CACNA2D3: variants seen among roughly 807,000 people sequenced by gnomAD.
CACNA2D3 encodes the protein calcium voltage-gated channel auxiliary subunit alpha2delta 3.
Under a neutral mutation model 160.6 loss-of-function variants are expected in CACNA2D3, and 60 were observed. The observed-to-expected ratio is 0.37, with a 90% CI of 0.30 to 0.46. CACNA2D3 has a LOEUF of 0.46. Ranked by LOEUF, CACNA2D3 falls within the 20% of genes least tolerant of loss-of-function variation. The pLI is 1.00. For missense variants in CACNA2D3, 1,205 were observed against 1,365.0 expected (o/e 0.88, Z 1.85); for synonymous variants, 558 against 492.9 (o/e 1.13, Z -1.75).
chr3:54,433,125 A>G (rs1190233943), intron 4 of CACNA2D3, among the ~76,000 whole-genome samples: 1 of 152,208 alleles, frequency 6.6e-6, no homozygotes. Context: ...TGAGCTCAAC[A>G]TTCCAACGCT....
intron 2 of CACNA2D3, among the ~76,000 whole-genome samples, chr3:54,216,739 C>G (rs62252193): frequency 0.034 from 5,237 of 152,210 alleles, 112 homozygotes; most frequent in Middle Eastern, 0.088. Context: ...TTGTTTTTGT[C>G]AAAAATAAGC....
chr3:54,739,751 ATGTGTGTGTG>A (rs5849058), intron 11 of CACNA2D3, among the ~76,000 whole-genome samples: 48,504 of 145,692 alleles, frequency 0.33, 8,068 homozygotes, highest in East Asian at 0.44. Flanking sequence ...CTCCTCATAT[ATGTGTGTGTG>A]TGTGTGTGTG....
intron 11 of CACNA2D3, among the ~76,000 whole-genome samples, chr3:54,656,480 A>G (rs1171665011): frequency 6.6e-6 from 1 of 152,184 alleles, no homozygotes; most frequent in African/African-American, 2.4e-5. Context: ...GCTGAGCCCC[A>G]TCCTGCCTGT....
chr3:54,696,084 C>T (rs969323501), intron 11 of CACNA2D3, among the ~76,000 whole-genome samples: 8 of 152,066 alleles, frequency 5.3e-5, no homozygotes, highest in Non-Finnish European at 1.0e-4. Flanking sequence ...TGGCCAGGGT[C>T]GGGGAGTGGG....
intron 11 of CACNA2D3, among the ~76,000 whole-genome samples, chr3:54,711,131 AC>A (rs1365537498): frequency 2.0e-5 from 3 of 152,180 alleles, no homozygotes; most frequent in African/African-American, 7.2e-5. Context: ...CCATAAAATA[AC>A]GTGATTTTTC....
At chr3:54,563,066 G>C in intron 6 of CACNA2D3, 135 bp downstream of exon 6, 1 of 813,320 alleles carries the variant, frequency 1.2e-6, no homozygotes, top group Non-Finnish European at 1.8e-6. Flanking sequence ...CAAACCTATT[G>C]TCAGGGTGCA....
chr3:54,703,720 C>G (rs1700807829), intron 11 of CACNA2D3, among the ~76,000 whole-genome samples: 1 of 152,178 alleles, frequency 6.6e-6, no homozygotes, highest in South Asian at 2.1e-4. Context: ...TTCATACCTT[C>G]ACACTGATGT....
intron 11 of CACNA2D3, among the ~76,000 whole-genome samples, chr3:54,664,562 T>A (rs986274609): frequency 2.6e-5 from 4 of 152,224 alleles, no homozygotes; most frequent in Admixed American, 2.6e-4. Flanking sequence ...TTTTATTTTA[T>A]AAGTTAACTG....
intron 4 of CACNA2D3, among the ~76,000 whole-genome samples, chr3:54,486,899 C>A (rs1195739620): frequency 6.6e-6 from 1 of 152,080 alleles, no homozygotes; most frequent in Admixed American, 6.5e-5. Flanking sequence ...GCCAAAGCAA[C>A]CTTATTCACA....
chr3:54,394,116 C>G (rs2106681401), intron 4 of CACNA2D3, among the ~76,000 whole-genome samples: 1 of 152,206 alleles, frequency 6.6e-6, no homozygotes, highest in Admixed American at 6.5e-5. Context: ...CAAATTGCAG[C>G]TTTACCTTGC....
chr3:54,155,579 C>T (rs954605413), intron 2 of CACNA2D3, among the ~76,000 whole-genome samples: 15 of 152,232 alleles, frequency 9.9e-5, no homozygotes, highest in Admixed American at 5.9e-4. Flanking sequence ...AATACAACAT[C>T]GAGATTTTGT....
chr3:54,656,681 C>T (rs1274721487), intron 11 of CACNA2D3, among the ~76,000 whole-genome samples: 2 of 152,210 alleles, frequency 1.3e-5, no homozygotes, highest in East Asian at 3.9e-4. Context: ...TCCCTGACAC[C>T]CTGCTACCTG....
intron 15 of CACNA2D3, among the ~76,000 whole-genome samples, chr3:54,838,096 A>G (rs1172180668): frequency 6.6e-6 from 1 of 152,180 alleles, no homozygotes. Flanking sequence ...CTCAGTTGGT[A>G]AAAGTGTTAG....
intron 2 of CACNA2D3, among the ~76,000 whole-genome samples, chr3:54,215,884 C>CTTTTCT (rs1553757124): frequency 6.7e-6 from 1 of 149,144 alleles, no homozygotes; most frequent in Non-Finnish European, 1.5e-5. Context: ...CTTTTCTTTT[C>CTTTTCT]TTTTTTTTTT....
chr3:54,686,322 T>G (rs1700448253), intron 11 of CACNA2D3, among the ~76,000 whole-genome samples: 1 of 152,250 alleles, frequency 6.6e-6, no homozygotes, highest in African/African-American at 2.4e-5. Context: ...TGCTGACCCC[T>G]GAACTAACAA....
At chr3:54,525,046 G>A (rs1206235915) in intron 5 of CACNA2D3, among the ~76,000 whole-genome samples, 1 of 151,990 alleles carries the variant, frequency 6.6e-6, no homozygotes, top group East Asian at 1.9e-4. Flanking sequence ...GTGTGGTATA[G>A]TATATAGTAT....
At chr3:54,778,046 C>A (rs1424195686) in intron 13 of CACNA2D3, among the ~76,000 whole-genome samples, 2 of 152,202 alleles carry the variant, frequency 1.3e-5, no homozygotes, top group Non-Finnish European at 2.9e-5. Flanking sequence ...ATTTGAAGAC[C>A]TTGATGACCT....
chr3:54,298,373 T>A (rs548068561), intron 2 of CACNA2D3, among the ~76,000 whole-genome samples: 1 of 152,390 alleles, frequency 6.6e-6, no homozygotes, highest in Non-Finnish European at 1.5e-5. Context: ...GAAATAATTT[T>A]GAACAATGCA....
intron 31 of CACNA2D3, among the ~76,000 whole-genome samples, chr3:54,997,070 T>C (rs71308055): frequency 6.6e-6 from 1 of 152,150 alleles, no homozygotes; most frequent in East Asian, 1.9e-4. Flanking sequence ...ATACCTAATG[T>C]AGATGATGGG....
Sources: gnomAD v4.1 joint callset for allele counts (sites outside exome capture counted in the v4.1 genomes callset) on GRCh38, gnomAD v4.1.1 for gene constraint, MANE v1.5 for transcripts, NCBI Gene and HGNC (gene_info 2026-07-23, HGNC 2026-07-21) for gene names.